Variants in USP37 observed in about 807,000 individuals in gnomAD.
USP37 encodes the protein ubiquitin specific peptidase 37.
A neutral mutation model predicts 124.0 loss-of-function variants in USP37; 27 were observed. That is an observed-to-expected ratio of 0.22 (90% CI 0.16 to 0.30). The LOEUF is 0.30. Among genes scored for constraint, USP37 ranks in the 10% least tolerant of loss-of-function variants. USP37 has a pLI of 1.00. For synonymous variants in USP37, 365 were observed against 388.0 expected, an observed-to-expected ratio of 0.94 and a Z score of 0.70; for missense variants, 889 against 1,140.4, an observed-to-expected ratio of 0.78 and a Z score of 3.17.
At chr2:218,554,273 A>G (rs1256923256) in intron 4 of USP37, among the ~76,000 whole-genome samples, 3 of 152,242 alleles carry the variant, frequency 2.0e-5, no homozygotes, top group Non-Finnish European at 4.4e-5. Context: ...GAACCAACTG[A>G]CAATATAAAG....
chr2:218,562,149 G>A (rs1306266909), intron 2 of USP37, among the ~76,000 whole-genome samples: 1 of 152,198 alleles, frequency 6.6e-6, no homozygotes, highest in Non-Finnish European at 1.5e-5. Context: ...TGAATTGACA[G>A]CTACATTTGC....
At chr2:218,505,255 G>A (rs1472025300) in intron 11 of USP37, among the ~76,000 whole-genome samples, 3 of 152,146 alleles carry the variant, frequency 2.0e-5, no homozygotes, top group African/African-American at 7.2e-5. Context: ...CTGAGCTCAA[G>A]TGATCTGCCT....
Position 218,549,822 on chromosome 2 carries a change from T to A in USP37, c.416A>T (p.Tyr139Phe). The A allele has an allele frequency of 6.2e-7, 1 of 1,612,706 alleles. No individual in the cohort carries two copies. The highest frequency in any genetic ancestry group is 1.3e-5 in the African/African-American group (1 of 74,958). Residue 139 changes from tyrosine (Y) to phenylalanine (F), a missense_variant, in exon 6 of 26, where the codon TAC becomes TTC. By Grantham distance (22) the Tyr-to-Phe change is conservative. Around this residue, in one of 3 missense-constraint regions of USP37, gnomAD observed 374 missense variants for 386.0 expected, o/e 0.97. Coordinates refer to ENST00000258399, the MANE Select transcript of USP37 (RefSeq NM_020935.3). ...SQKETSRQLS[Y>F]SDNQASAKRG... The stretch of plus-strand genomic sequence containing the variant: ...AAATGAACATACCTGATTGTCTGAG[T>A]AAGAAAGCTGCCTGCTGGTTTCCTT...
At chr2:218,492,262 A>T (rs982989840) in intron 14 of USP37, among the ~76,000 whole-genome samples, 1 of 152,150 alleles carries the variant, frequency 6.6e-6, no homozygotes, top group Non-Finnish European at 1.5e-5. Context: ...GAGAATTCAA[A>T]ATAGAGGAAA....
intron 11 of USP37, among the ~76,000 whole-genome samples, chr2:218,501,994 G>C (rs1689413701): frequency 6.6e-6 from 1 of 152,140 alleles, no homozygotes; most frequent in Non-Finnish European, 1.5e-5. Context: ...AGACCTAGAT[G>C]AATTCACAGA....
intron 5 of USP37, among the ~76,000 whole-genome samples, chr2:218,550,758 T>C (rs1211567795): frequency 6.6e-6 from 1 of 152,112 alleles, no homozygotes; most frequent in Non-Finnish European, 1.5e-5. Context: ...TTTTCATGTG[T>C]AAGGGCCATC....
intron 10 of USP37, among the ~76,000 whole-genome samples, chr2:218,520,770 T>C (rs1167658332): frequency 2.0e-5 from 3 of 152,220 alleles, no homozygotes; most frequent in African/African-American, 7.2e-5. Flanking sequence ...CCTTTAAGAG[T>C]GCTCTCCTGA....
chr2:218,463,198 A>G, intron 22 of USP37, 108 bp downstream of exon 22: 1 of 575,770 alleles, frequency 1.7e-6, no homozygotes. Flanking sequence ...ACACACACAC[A>G]CACACACACA....
chr2:218,513,793 C>T (rs897737758), intron 10 of USP37, among the ~76,000 whole-genome samples: 4 of 152,006 alleles, frequency 2.6e-5, no homozygotes, highest in African/African-American at 9.7e-5. Flanking sequence ...TTTGTTTAAC[C>T]ACTTACTTTC....
chr2:218,485,756 G>A lies in USP37; in HGVS notation c.1591-13C>T, dbSNP rs978677330. The A allele has an allele frequency of 6.2e-7, 1 of 1,604,358 alleles. No individual in the cohort carries two copies. The highest frequency in any genetic ancestry group is 8.5e-7 in the Non-Finnish European group (1 of 1,177,106). ...CCAGTTCTTCGGCCTATAAAAAGAA[G>A]GAAAAATAAAGCATGAAGGTGAATC... On this transcript the variant is annotated splice_polypyrimidine_tract_variant and intron_variant, in intron 15 of 25. Transcript: ENST00000258399.
At chr2:218,509,679 AG>A (rs750973746) in intron 11 of USP37, among the ~76,000 whole-genome samples, 32 of 152,190 alleles carry the variant, frequency 2.1e-4, no homozygotes, top group Non-Finnish European at 4.4e-4. Flanking sequence ...TGAAGAACCT[AG>A]GGAAAATATA....
chr2:218,483,412 A>T (rs1168134796), intron 16 of USP37, among the ~76,000 whole-genome samples: 1 of 152,046 alleles, frequency 6.6e-6, no homozygotes, highest in Admixed American at 6.5e-5. Flanking sequence ...CAAGAATAAG[A>T]GTGGCTTTGA....
rs1689507588 is a variant in USP37, at chr2:218,452,332, TC to T, written c.*2597del. ...TGGCCCCAACATGCTAACTGCCCCATCCCCAATTCTGGGCAAACTGATCACA... is the reference window on the plus strand; with the variant it reads ...TGGCCCCAACATGCTAACTGCCCCATCCCAATTCTGGGCAAACTGATCACA... On this transcript the variant is annotated 3_prime_UTR_variant, in exon 26 of 26. Transcript: ENST00000258399. The T allele has an allele frequency of 6.6e-6, 1 of 152,094 alleles. No individual in the cohort carries two copies. Among genetic ancestry groups the T allele is most frequent in the Admixed American group, 6.6e-5 (1 of 15,252 alleles). 9.4% of individuals were successfully genotyped at this position (152,094 alleles called of 1,614,324 possible).
intron 23 of USP37, among the ~76,000 whole-genome samples, chr2:218,458,115 A>C (rs1367600455): frequency 2.0e-5 from 3 of 151,536 alleles, no homozygotes; most frequent in Admixed American, 6.6e-5. Flanking sequence ...GTAAACCAGA[A>C]ACTTAAAATG....
chr2:218,462,187 T>C (rs1285239443), intron 22 of USP37, among the ~76,000 whole-genome samples: 1 of 151,738 alleles, frequency 6.6e-6, no homozygotes, highest in East Asian at 1.9e-4. Flanking sequence ...ATTAAAAAAT[T>C]AGCTGGGTGT....
At chr2:218,519,783 T>C (rs114727537) in intron 10 of USP37, among the ~76,000 whole-genome samples, 4,811 of 152,020 alleles carry the variant, frequency 0.032, 135 homozygotes, top group Non-Finnish European at 0.045. Flanking sequence ...TTTTGTATTA[T>C]TAGTAGAGAC....
rs376147828 is a variant in USP37 at position 218,560,423 on chromosome 2, T to A, written c.-25+397A>T. On this transcript the variant is annotated intron_variant, in intron 3 of 25. Coordinates refer to ENST00000258399, the MANE Select transcript of USP37 (RefSeq NM_020935.3). ...ACCACAAAATAGGAATAGCAAATGT[T>A]TTAGTGTTGTAGAATGAAATAATAC... Among the ~76,000 whole-genome samples, 8 of 152,222 alleles carry A rather than the reference T, an allele frequency of 5.3e-5. No individual in the cohort carries two copies. In the South Asian group the frequency reaches 1.4e-3, roughly 28 times the overall value.
chr2:218,564,129 T>C (rs1384821272), intron 1 of USP37, among the ~76,000 whole-genome samples: 1 of 152,118 alleles, frequency 6.6e-6, no homozygotes, highest in Non-Finnish European at 1.5e-5. Flanking sequence ...TCTACCATCA[T>C]TCAGGCAAGA....
chr2:218,521,163 T>C (rs2106014367), intron 10 of USP37, among the ~76,000 whole-genome samples: 1 of 152,308 alleles, frequency 6.6e-6, no homozygotes, highest in Admixed American at 6.5e-5. Flanking sequence ...AAGCTGACGC[T>C]GCCATGCTCC....
Sources: allele counts gnomAD v4.1 joint callset (sites outside exome capture counted in the v4.1 genomes callset), GRCh38; gene constraint gnomAD v4.1.1; regional missense constraint gnomAD v4.1.1; transcripts MANE v1.5; gene names NCBI Gene and HGNC (gene_info 2026-07-23, HGNC 2026-07-21).